The following ATP13A4 variants were observed in gnomAD, a reference collection of about 807,000 sequenced individuals.
ATP13A4 encodes probable cation-transporting ATPase 13A4.
In ATP13A4, 114 loss-of-function variants were observed where a neutral mutation model predicts 142.5. That is an observed-to-expected ratio of 0.80 (90% CI 0.69 to 0.93). The LOEUF is 0.93. Among genes scored for constraint, ATP13A4 ranks in the 40% least tolerant of loss-of-function variants. ATP13A4 has a pLI of 0.00. For synonymous variants in ATP13A4, 488 were observed against 514.8 expected (o/e 0.95, Z 0.70); for missense variants, 1,392 against 1,454.0 (o/e 0.96, Z 0.69).
At chr3:193,502,678 G>A in intron 2 of ATP13A4, 39 bp from the exon 3 acceptor site, 1 of 1,586,604 alleles carries the variant, frequency 6.3e-7, no homozygotes, top group Non-Finnish European at 8.7e-7. Context: ...GAAGTTAAGA[G>A]AGGTCAGCAG....
chr3:193,546,282 G>T (rs1357460873), intron 1 of ATP13A4, among the ~76,000 whole-genome samples: 2 of 152,050 alleles, frequency 1.3e-5, no homozygotes, highest in Non-Finnish European at 2.9e-5. Flanking sequence ...GAGAAACCAG[G>T]TCCCTCATTC....
intron 2 of ATP13A4, among the ~76,000 whole-genome samples, chr3:193,566,369 A>T (rs746765715): frequency 6.6e-6 from 1 of 152,128 alleles, no homozygotes; most frequent in Non-Finnish European, 1.5e-5. Context: ...TGAACATTTC[A>T]TATGTCCAAG....
At chr3:193,504,214 A>G (rs757066189) in intron 2 of ATP13A4, among the ~76,000 whole-genome samples, 3 of 152,178 alleles carry the variant, frequency 2.0e-5, no homozygotes, top group African/African-American at 4.8e-5. Flanking sequence ...GGAGTTAAGA[A>G]TGATGAGCCT....
intron 1 of ATP13A4, among the ~76,000 whole-genome samples, chr3:193,551,141 C>T (rs1240932618): frequency 8.5e-5 from 13 of 152,124 alleles, no homozygotes; most frequent in Admixed American, 7.2e-4. Flanking sequence ...TGGCCAGGTG[C>T]GGTGGCTCAT....
chr3:193,433,153 G>A (rs984503766), intron 25 of ATP13A4, among the ~76,000 whole-genome samples: 1 of 152,122 alleles, frequency 6.6e-6, no homozygotes, highest in Admixed American at 6.6e-5. Context: ...ACAAAGACAT[G>A]TCAAAACTTC....
chr3:193,444,939 G>A (rs946886541), intron 18 of ATP13A4, among the ~76,000 whole-genome samples: 1 of 152,284 alleles, frequency 6.6e-6, no homozygotes, highest in Admixed American at 6.5e-5. Flanking sequence ...CAGCCTGTCT[G>A]CTTTTTGCCC....
chr3:193,556,657 C>T (rs1245923178), upstream of ATP13A4, among the ~76,000 whole-genome samples: 1 of 151,874 alleles, frequency 6.6e-6, no homozygotes, highest in African/African-American at 2.4e-5. Context: ...TCTAGAACTA[C>T]TGATGGCTTC....
intron 7 of ATP13A4, among the ~76,000 whole-genome samples, chr3:193,488,114 A>C (rs1719738751): frequency 6.6e-6 from 1 of 152,174 alleles, no homozygotes; most frequent in Non-Finnish European, 1.5e-5. Flanking sequence ...AAATACAAAA[A>C]TTAGCCGGGT....
chr3:193,575,507 G>T (rs1408409216), intron 2 of ATP13A4, among the ~76,000 whole-genome samples: 1 of 152,188 alleles, frequency 6.6e-6, no homozygotes, highest in African/African-American at 2.4e-5. Context: ...AGAAATAAGG[G>T]AAGAGCAATG....
intron 8 of ATP13A4, among the ~76,000 whole-genome samples, chr3:193,482,800 T>C (rs1254447866): frequency 1.3e-5 from 2 of 152,198 alleles, no homozygotes; most frequent in Non-Finnish European, 2.9e-5. Context: ...ACTGCTAGTG[T>C]AAAACGGCGC....
intron 2 of ATP13A4, among the ~76,000 whole-genome samples, chr3:193,578,176 C>T (rs1724447944): frequency 6.6e-6 from 1 of 151,914 alleles, no homozygotes; most frequent in Admixed American, 6.6e-5. Context: ...TGCTGTAATC[C>T]CAACTACTCG....
At chr3:193,460,736 A>G (rs574274682) in intron 13 of ATP13A4, among the ~76,000 whole-genome samples, 64 of 152,366 alleles carry the variant, frequency 4.2e-4, no homozygotes, top group African/African-American at 1.5e-3. Context: ...CTGAGTGTAT[A>G]ATTCTGCATT....
chr3:193,561,131 G>C (rs1410667116), intron 2 of ATP13A4, among the ~76,000 whole-genome samples: 5 of 152,220 alleles, frequency 3.3e-5, no homozygotes, highest in Non-Finnish European at 7.3e-5. Context: ...ACCCACAGGG[G>C]ACCTCAGGCT....
In ATP13A4 at chr3:193,419,013, T is replaced by C. The variant is rs754502535; in HGVS notation, c.2843-4263A>G. ...GTACCATGTCCTCTAGGGACTGAAC[T>C]GAAGCTACACACTACCTCCACAGGA... On this transcript the variant is annotated intron_variant, in intron 25 of 29. Coordinates refer to ENST00000342695, the MANE Select transcript of ATP13A4 (RefSeq NM_032279.4). 55 of 150,652 alleles carry C rather than the reference T, an allele frequency of 3.7e-4. 5 individuals are homozygous for C. The highest frequency in any genetic ancestry group is 2.7e-3 in the Admixed American group (39 of 14,608). 9.3% of individuals were successfully genotyped at this position (150,652 alleles called of 1,614,324 possible).
chr3:193,577,073 C>G (rs1724412271), intron 2 of ATP13A4, among the ~76,000 whole-genome samples: 2 of 152,234 alleles, frequency 1.3e-5, no homozygotes, highest in Admixed American at 6.5e-5. Flanking sequence ...TCAAAATACA[C>G]TTGGATAAAT....
At chr3:193,593,088 G>T (rs1228223981) in exon 1 of ATP13A4, 2 of 402,894 alleles carry the variant, frequency 5.0e-6, no homozygotes, top group African/African-American at 2.1e-5. Flanking sequence ...GCGATGGATT[G>T]CTCCAGTCCG....
intron 9 of ATP13A4, among the ~76,000 whole-genome samples, chr3:193,468,893 G>T (rs1477089622): frequency 1.3e-5 from 2 of 152,242 alleles, no homozygotes; most frequent in Non-Finnish European, 2.9e-5. Flanking sequence ...CCTCAACACA[G>T]GGATTACAGG....
intron 2 of ATP13A4, among the ~76,000 whole-genome samples, chr3:193,506,828 C>A (rs1720886705): frequency 6.6e-6 from 1 of 152,136 alleles, no homozygotes; most frequent in African/African-American, 2.4e-5. Flanking sequence ...GTTTGCTTCC[C>A]CTTCCACCAT....
intron 19 of ATP13A4, among the ~76,000 whole-genome samples, chr3:193,441,810 G>A (rs905147771): frequency 6.6e-6 from 1 of 152,180 alleles, no homozygotes. Context: ...TTTTCATCGT[G>A]ATTTGATCTT....
Sources: gnomAD v4.1 joint callset for allele counts (sites outside exome capture counted in the v4.1 genomes callset) on GRCh38, gnomAD v4.1.1 for gene constraint, MANE v1.5 for transcripts, NCBI Gene and HGNC (gene_info 2026-07-23, HGNC 2026-07-21) for gene names.